The following ANKFN1 variants were observed in gnomAD, a reference collection of about 807,000 sequenced individuals.
ANKFN1 encodes ankyrin repeat and fibronectin type-III domain-containing protein 1.
A neutral mutation model predicts 108.7 loss-of-function variants in ANKFN1; 74 were observed. The ratio of observed to expected loss-of-function variants is 0.68; its 90% CI spans 0.56 to 0.83. The LOEUF is 0.83. Ranked by LOEUF, ANKFN1 falls within the 40% of genes least tolerant of loss-of-function variation. The pLI is 0.00. For synonymous variants in ANKFN1, 547 were observed against 516.2 expected, an observed-to-expected ratio of 1.06 and a Z score of -0.81; for missense variants, 1,505 against 1,382.3, an observed-to-expected ratio of 1.09 and a Z score of -1.41.
At chr17:56,181,952 C>G (rs1444436988) in intron 1 of ANKFN1, among the ~76,000 whole-genome samples, 1 of 152,040 alleles carries the variant, frequency 6.6e-6, no homozygotes, top group Admixed American at 6.6e-5. Flanking sequence ...ATTATTTTAT[C>G]TGTTGTGGTG....
chr17:56,458,777 A>T (rs1488376871), intron 14 of ANKFN1, among the ~76,000 whole-genome samples: 1 of 152,202 alleles, frequency 6.6e-6, no homozygotes, highest in East Asian at 1.9e-4. Flanking sequence ...ACAAATCTGC[A>T]GTTACATCAA....
At chr17:56,418,604 C>A (rs1210005440) in intron 8 of ANKFN1, among the ~76,000 whole-genome samples, 2 of 151,940 alleles carry the variant, frequency 1.3e-5, no homozygotes, top group Non-Finnish European at 2.9e-5. Flanking sequence ...CCCCAGGATT[C>A]TGGAATTTAA....
At chr17:56,483,222 C>T (rs893974410) in intron 18 of ANKFN1, among the ~76,000 whole-genome samples, 1 of 152,212 alleles carries the variant, frequency 6.6e-6, no homozygotes, top group African/African-American at 2.4e-5. Flanking sequence ...CCCTGCTGCC[C>T]ACTGAGATTG....
chr17:56,127,395 C>G (rs1452385764), intron 4 of ANKFN1, among the ~76,000 whole-genome samples: 1 of 152,138 alleles, frequency 6.6e-6, no homozygotes, highest in East Asian at 1.9e-4. Context: ...CTCACTGCAA[C>G]CTCCACCTCC....
At chr17:56,507,096 T>G (rs560678965) in intron 20 of ANKFN1, among the ~76,000 whole-genome samples, 6 of 152,282 alleles carry the variant, frequency 3.9e-5, no homozygotes, top group African/African-American at 1.2e-4. Flanking sequence ...CTACAGTCAA[T>G]TATGAATTCT....
intron 8 of ANKFN1, among the ~76,000 whole-genome samples, chr17:56,380,759 G>A (rs1837337779): frequency 6.6e-6 from 1 of 152,248 alleles, no homozygotes. Flanking sequence ...GCCCAGGCTT[G>A]CTTAGGTAAA....
chr17:56,047,467 A>T (rs745480125), intron 4 of ANKFN1, among the ~76,000 whole-genome samples: 10 of 152,122 alleles, frequency 6.6e-5, no homozygotes, highest in South Asian at 2.1e-4. Context: ...CTGCACTGGG[A>T]CTTGGCCAGG....
upstream of ANKFN1, among the ~76,000 whole-genome samples, chr17:56,151,991 GT>G (rs5821122): frequency 0.95 from 144,401 of 152,058 alleles, 68,619 homozygotes; most frequent in East Asian, 1. Context: ...GTATTAAAGA[GT>G]TTTTTTTAAA....
chr17:56,386,721 TG>T (rs1193637949), intron 8 of ANKFN1, among the ~76,000 whole-genome samples: 1 of 151,954 alleles, frequency 6.6e-6, no homozygotes, highest in African/African-American at 2.4e-5. Flanking sequence ...ATAGTAGCTG[TG>T]AGAGTTTCTA....
intron 8 of ANKFN1, among the ~76,000 whole-genome samples, chr17:56,402,875 G>A (rs188157707): frequency 6.6e-6 from 1 of 152,112 alleles, no homozygotes; most frequent in East Asian, 1.9e-4. Flanking sequence ...CCGCCTTGCT[G>A]TATCCCAGAG....
At chr17:56,122,865 A>C (rs1348126490) in intron 4 of ANKFN1, among the ~76,000 whole-genome samples, 2 of 152,122 alleles carry the variant, frequency 1.3e-5, no homozygotes, top group Non-Finnish European at 2.9e-5. Context: ...TTTTTCAGGG[A>C]TTATGAGGCA....
intron 4 of ANKFN1, among the ~76,000 whole-genome samples, chr17:56,050,090 G>T (rs1598082560): frequency 1.3e-5 from 2 of 151,964 alleles, no homozygotes; most frequent in South Asian, 2.1e-4. Context: ...CATTCTAACT[G>T]GTGTGAGATG....
chr17:56,187,001 G>T lies in ANKFN1; in HGVS notation c.-70-25597G>T, dbSNP rs1020294178. Reference sequence around the variant, plus strand: ...AAAACCCTAGAAGAAAACCTAGGCAGTACCATTCAGGACATAGGCATGGGC... The same window carrying T: ...AAAACCCTAGAAGAAAACCTAGGCATTACCATTCAGGACATAGGCATGGGC... On this transcript the variant is annotated intron_variant, in intron 1 of 20. Coordinates refer to ENST00000682825, the MANE Select transcript of ANKFN1 (RefSeq NM_001370326.1). 2.6e-5 allele frequency among the ~76,000 whole-genome samples: 4 copies of T among 152,164 alleles called. No individual in the cohort carries two copies. The South Asian group carries it at 6.2e-4, about 24-fold the overall frequency.
intron 3 of ANKFN1, among the ~76,000 whole-genome samples, chr17:56,312,488 A>T (rs62073057): frequency 0.11 from 16,957 of 152,032 alleles, 1,015 homozygotes; most frequent in Middle Eastern, 0.17. Flanking sequence ...TCCCTAACAT[A>T]GGTACTTCCC....
At chr17:56,196,091 A>T (rs901260175) in intron 1 of ANKFN1, among the ~76,000 whole-genome samples, 2 of 152,064 alleles carry the variant, frequency 1.3e-5, no homozygotes, top group Non-Finnish European at 2.9e-5. Context: ...ACATGGCAAA[A>T]CCACATCTCT....
chr17:56,228,438 G>C (rs1278507829), intron 3 of ANKFN1: 1 of 152,740 alleles, frequency 6.5e-6, no homozygotes, highest in Non-Finnish European at 1.5e-5. Context: ...CTAATCTCCT[G>C]TGTATTATGT....
chr17:56,284,937 G>A (rs959400959), intron 3 of ANKFN1, among the ~76,000 whole-genome samples: 3 of 152,274 alleles, frequency 2.0e-5, no homozygotes, highest in South Asian at 4.1e-4. Flanking sequence ...ATTGCCATAA[G>A]TGTCAGAAAC....
chr17:56,294,922 A>T (rs575171602), intron 3 of ANKFN1, among the ~76,000 whole-genome samples: 2 of 152,350 alleles, frequency 1.3e-5, no homozygotes, highest in South Asian at 4.1e-4. Flanking sequence ...CCATTCTAGC[A>T]AGAGACCATG....
intron 1 of ANKFN1, among the ~76,000 whole-genome samples, chr17:56,211,369 C>T (rs1914984813): frequency 6.6e-6 from 1 of 152,150 alleles, no homozygotes; most frequent in African/African-American, 2.4e-5. Context: ...TATCCTTTCC[C>T]TACTTTATAT....
Sources: gnomAD v4.1 joint callset for allele counts (sites outside exome capture counted in the v4.1 genomes callset) on GRCh38, gnomAD v4.1.1 for gene constraint, MANE v1.5 for transcripts, NCBI Gene and HGNC (gene_info 2026-07-23, HGNC 2026-07-21) for gene names.